Variants in KLF8 observed in about 807,000 individuals in gnomAD.
KLF8 encodes KLF transcription factor 8.
In KLF8, 10 loss-of-function variants were observed where a neutral mutation model predicts 18.2. The observed-to-expected ratio is 0.55, with a 90% CI of 0.34 to 0.93. The LOEUF (loss-of-function observed/expected upper bound fraction) is 0.93, where lower values mean the gene tolerates loss of function less well. Ranked by LOEUF, KLF8 falls within the 40% of genes least tolerant of loss-of-function variation. The probability of loss-of-function intolerance (pLI) is 0.02; values close to 1 mark genes in which losing one functional copy is unlikely to be tolerated. For missense variants in KLF8, 264 were observed against 277.9 expected, an observed-to-expected ratio of 0.95 and a Z score of 0.36; for synonymous variants, 109 against 97.3, an observed-to-expected ratio of 1.12 and a Z score of -0.71.
chrX:55,910,531 A>T, the KLF8 span, among the ~76,000 whole-genome samples: 1 of 111,826 alleles, frequency 8.9e-6, no homozygotes, highest in Non-Finnish European at 1.9e-5. Flanking sequence ...TGGTATGTTC[A>T]AAGAATAGTA....
At chrX:55,983,716 C>A in the KLF8 span, among the ~76,000 whole-genome samples, 10 of 110,896 alleles carry the variant, frequency 9.0e-5, no homozygotes, top group Non-Finnish European at 1.9e-4. Context: ...TTTTTGTGTA[C>A]CTGTCAAATG....
chrX:56,243,152 G>A (rs1395384104), intron 1 of KLF8: 8 of 516,540 alleles, frequency 1.5e-5, no homozygotes, highest in African/African-American at 1.4e-4. Flanking sequence ...CTTCATGGCC[G>A]ACACAGTGGT....
At chrX:56,268,857 A>G in intron 3 of KLF8, 4 of 872,055 alleles carry the variant, frequency 4.6e-6, no homozygotes, top group Non-Finnish European at 5.6e-6. Context: ...AGGTTGTATC[A>G]AGCACCTACT....
the KLF8 span, among the ~76,000 whole-genome samples, chrX:55,936,448 A>G: frequency 1.8e-3 from 203 of 112,810 alleles, no homozygotes; most frequent in Non-Finnish European, 3.1e-3. Flanking sequence ...TCCCAGTATG[A>G]GCGATGCAGA....
At chrX:56,086,742 A>T in the KLF8 span, among the ~76,000 whole-genome samples, 1 of 111,198 alleles carries the variant, frequency 9.0e-6, no homozygotes, top group South Asian at 3.8e-4. Context: ...TCAGTCTAAA[A>T]CCTTCTTAAA....
the KLF8 span, among the ~76,000 whole-genome samples, chrX:56,200,257 G>A: frequency 1.0e-3 from 111 of 109,638 alleles, no homozygotes; most frequent in Middle Eastern, 4.8e-3. Flanking sequence ...ACTCATAAAC[G>A]TAAACACATT....
At chrX:56,009,053 ACCCCCAG>A in the KLF8 span, among the ~76,000 whole-genome samples, 5 of 109,992 alleles carry the variant, frequency 4.5e-5, no homozygotes, top group African/African-American at 1.7e-4. Flanking sequence ...AAGCAACATT[ACCCCCAG>A]CACCAAGGGG....
At chrX:56,177,310 TA>T in the KLF8 span, among the ~76,000 whole-genome samples, 3 of 111,206 alleles carry the variant, frequency 2.7e-5, no homozygotes, top group Admixed American at 9.7e-5. Flanking sequence ...TTGTTAGTTT[TA>T]TTTCTAACAG....
the KLF8 span, among the ~76,000 whole-genome samples, chrX:55,946,397 A>G: frequency 1.8e-5 from 2 of 111,921 alleles, no homozygotes; most frequent in African/African-American, 3.2e-5. Flanking sequence ...AGGATTCCCT[A>G]TTTAATAAAT....
rs1321389050 is a variant in KLF8, at chrX:56,232,645, T to G, written c.-690T>G. On this transcript the variant is annotated 5_prime_UTR_variant, in exon 1 of 6. It removes an upstream start codon present in the reference 5' UTR. Transcript: ENST00000468660. ...GCCCTGGGGCTGGTGTTCTTCTCTA[T>G]GATTCTACCAATCGTCGGCATTTTT... 3 of 111,728 alleles carry G rather than the reference T, an allele frequency of 2.7e-5. No homozygotes were observed. Among genetic ancestry groups the G allele is most frequent in the African/African-American group, 9.8e-5 (3 of 30,695 alleles). 9.2% of individuals were successfully genotyped at this position (111,728 alleles called of 1,213,427 possible). A position where few individuals can be genotyped will look rare whatever the true frequency, so the allele number is the denominator to read the frequency against.
the KLF8 span, among the ~76,000 whole-genome samples, chrX:55,951,863 G>A: frequency 1.4e-4 from 16 of 111,518 alleles, no homozygotes; most frequent in South Asian, 3.0e-3. Flanking sequence ...AATTGGTGTA[G>A]GTTACACTTT....
the KLF8 span, among the ~76,000 whole-genome samples, chrX:56,200,174 A>T: frequency 9.0e-6 from 1 of 110,576 alleles, no homozygotes; most frequent in Non-Finnish European, 1.9e-5. Flanking sequence ...TAGCACATGT[A>T]TACCTATGTA....
chrX:56,264,284 T>G (rs2066928105), intron 2 of KLF8, among the ~76,000 whole-genome samples: 1 of 111,312 alleles, frequency 9.0e-6, no homozygotes. Flanking sequence ...ATTAGTTTTT[T>G]ATTAAAAACT....
At chrX:56,133,922 C>CAAAA in the KLF8 span, among the ~76,000 whole-genome samples, 1 of 99,144 alleles carries the variant, frequency 1.0e-5, no homozygotes. Flanking sequence ...ACAATATCTG[C>CAAAA]AAAAAAAAAA....
chrX:56,274,731 G>T (rs778240921), intron 5 of KLF8, among the ~76,000 whole-genome samples: 1 of 111,611 alleles, frequency 9.0e-6, no homozygotes, highest in East Asian at 2.8e-4. Context: ...GTGATATCCA[G>T]TTTTCCCAGC....
rs777125654 is a variant in KLF8 at position 56,259,582 on chromosome X, C to T, written c.82-5598C>T. ...CATACATAGAAAACCCCAACTGTCT[C>T]GAATCTCTAGTGAAATCATGCTCCT... On this transcript the variant is annotated intron_variant, in intron 2 of 5. Transcript: ENST00000468660. Among the ~76,000 whole-genome samples, 166 of 110,444 alleles carry T rather than the reference C, an allele frequency of 1.5e-3. 1 individual carries two copies. Among genetic ancestry groups the T allele is most frequent in the African/African-American group, 5.1e-3 (155 of 30,387 alleles).
chrX:56,053,428 A>G, the KLF8 span, among the ~76,000 whole-genome samples: 1 of 111,032 alleles, frequency 9.0e-6, no homozygotes. Flanking sequence ...GTTTTGTTGA[A>G]GATATTTACA....
the KLF8 span, among the ~76,000 whole-genome samples, chrX:56,209,391 C>A: frequency 1.8e-5 from 2 of 110,952 alleles, no homozygotes; most frequent in South Asian, 7.8e-4. Flanking sequence ...ATCCATGGGT[C>A]TCGTTTTTTC....
chrX:56,181,996 G>A, the KLF8 span, among the ~76,000 whole-genome samples: 1 of 111,357 alleles, frequency 9.0e-6, no homozygotes, highest in Non-Finnish European at 1.9e-5. Flanking sequence ...TCCTGAATTT[G>A]AATGTTGGCC....
Sources: allele counts gnomAD v4.1 joint callset (sites outside exome capture counted in the v4.1 genomes callset), GRCh38; gene constraint gnomAD v4.1.1; transcripts MANE v1.5; gene names NCBI Gene and HGNC (gene_info 2026-07-23, HGNC 2026-07-21).